The following GFM1 variants were observed in gnomAD, a reference collection of about 807,000 sequenced individuals.
GFM1 encodes the protein G elongation factor mitochondrial 1.
GFM1 carries 62 observed loss-of-function variants against 96.2 expected under a neutral mutation model. The ratio of observed to expected loss-of-function variants is 0.64; its 90% confidence interval spans 0.53 to 0.80. The LOEUF (loss-of-function observed/expected upper bound fraction) is 0.80, where lower values mean the gene tolerates loss of function less well. GFM1 is among the 30% of genes least tolerant of loss of function. GFM1 has a pLI of 0.00. For missense variants in GFM1, 852 were observed against 916.6 expected, an observed-to-expected ratio of 0.93 and a Z score of 0.91; for synonymous variants, 282 against 312.9, an observed-to-expected ratio of 0.90 and a Z score of 1.04.
In GFM1 at chr3:158,652,171, ATGTGT is replaced by A; in HGVS notation, c.768_772del (p.Val257GlnfsTer4). On this transcript the variant is annotated frameshift_variant, in exon 6 of 18. Transcript: ENST00000486715. LOFTEE classifies it high-confidence loss of function. ...CTGACCACCGGCAGGAGCTAATTGA[ATGTGT>A]TGCCAATTCAGATGAACAGCTTGGT... 6.2e-7 allele frequency: 1 copy of A among 1,614,068 alleles called. No individual in the cohort carries two copies. Among genetic ancestry groups the A allele is most frequent in the Non-Finnish European group, 8.5e-7 (1 of 1,179,882 alleles).
chr3:158,664,132 CAT>C (rs1723417980), intron 11 of GFM1, among the ~76,000 whole-genome samples: 2 of 152,124 alleles, frequency 1.3e-5, no homozygotes, highest in Non-Finnish European at 2.9e-5. Flanking sequence ...TTTGAGAAAA[CAT>C]AGGCAAAACA....
chr3:158,666,430 G>A, intron 13 of GFM1, 44 bp downstream of exon 13: 1 of 1,513,180 alleles, frequency 6.6e-7, no homozygotes, highest in East Asian at 2.3e-5. Context: ...TGAAATTGAA[G>A]CTTTTTATTT....
rs1000121562 is a variant in GFM1 at position 158,694,362 on chromosome 3, T to C, written c.*2895T>C. Among the ~76,000 whole-genome samples, 19 of 152,150 alleles carry C rather than the reference T, an allele frequency of 1.2e-4. No individual in the cohort carries two copies. The highest frequency in any genetic ancestry group is 2.9e-4 in the African/African-American group (12 of 41,430). On this transcript the variant is annotated 3_prime_UTR_variant, in exon 18 of 18. Coordinates refer to ENST00000486715, the MANE Select transcript of GFM1 (RefSeq NM_024996.7). ...ACCAAATACTGCATGTTCTCACTTA[T>C]AAGTGGGAGCTAAATAATGAGAACA...
At chr3:158,678,222 C>T (rs943654613) in intron 13 of GFM1, among the ~76,000 whole-genome samples, 6 of 152,144 alleles carry the variant, frequency 3.9e-5, no homozygotes, top group Admixed American at 1.3e-4. Flanking sequence ...TTTCCATGCC[C>T]GCCAATACAA....
Position 158,684,517 on chromosome 3 carries a change from T to C in GFM1, c.1765-7T>C, listed in dbSNP as rs771346402. On this transcript the variant is annotated splice_polypyrimidine_tract_variant and splice_region_variant and intron_variant, in intron 14 of 17. Transcript: ENST00000486715. ...TCACTCCAGAAGTTGTGTTCATTCATTAACAGGGGTTTTTAGATGCCTGCG... is the reference window on the plus strand; with the variant it reads ...TCACTCCAGAAGTTGTGTTCATTCACTAACAGGGGTTTTTAGATGCCTGCG... 2 of 1,614,072 alleles carry C rather than the reference T, an allele frequency of 1.2e-6. No homozygotes were observed. The highest frequency in any genetic ancestry group is 1.7e-5 in the Admixed American group (1 of 59,998).
intron 6 of GFM1, 24 bp from the exon 7 acceptor site, chr3:158,653,286 C>A (rs768792924): frequency 1.3e-5 from 20 of 1,588,244 alleles, no homozygotes; most frequent in Non-Finnish European, 1.6e-5. Context: ...ACATTAACTA[C>A]CATTAAATTG....
At chr3:158,652,274 T>TCACA in intron 6 of GFM1, 28 bp downstream of exon 6, 2 of 1,608,096 alleles carry the variant, frequency 1.2e-6, no homozygotes, top group South Asian at 2.2e-5. Context: ...AAGTCTTATG[T>TCACA]TAACAACAAA....
intron 3 of GFM1, 34 bp from the exon 4 acceptor site, chr3:158,646,709 T>C: frequency 6.4e-7 from 1 of 1,566,144 alleles, no homozygotes; most frequent in East Asian, 2.3e-5. Context: ...TTCAGATTGC[T>C]CTTTAAGACC....
In GFM1 at chr3:158,646,225, G is replaced by A; in HGVS notation, c.295G>A (p.Gly99Arg). The change falls in exon 3 of 18, where the codon GGA becomes AGA. Residue 99 changes from glycine to arginine, a missense_variant. By Grantham distance (125) the Gly-to-Arg change is moderately radical. Transcript: ENST00000486715. ...TTCCATGGAACTAGAGAGACAAAGA[G>A]GAATCACTATTCAGTCAGCAGCCAC... is the stretch of plus-strand genomic sequence containing the variant. ...MDSMELERQR[G>R]ITIQSAATYT... 1.2e-6 allele frequency: 2 copies of A among 1,613,854 alleles called. No homozygotes were observed. Among genetic ancestry groups the A allele is most frequent in the African/African-American group, 1.3e-5 (1 of 75,030 alleles).
chr3:158,666,271 A>T lies in GFM1; in HGVS notation c.1519-33A>T, dbSNP rs138856342. The T allele has an allele frequency of 1.0e-3, 1,574 of 1,508,686 alleles. 17 individuals carry two copies. In the African/African-American group the frequency reaches 0.019, roughly 18 times the overall value. The allele number at this position is 1,508,686 out of a possible 1,614,324, so 93.5% of individuals were successfully genotyped here. ...AGGTTTTCTTTCGGTTTATTTTTTT[A>T]AATTTAAATAATATTTTCCCCACTC... On this transcript the variant is annotated intron_variant, in intron 12 of 17. Transcript: ENST00000486715.
At chr3:158,652,267 T>C in intron 6 of GFM1, 21 bp downstream of exon 6, 1 of 1,611,350 alleles carries the variant, frequency 6.2e-7, no homozygotes, top group South Asian at 1.1e-5. Context: ...TCAAAATAAG[T>C]CTTATGTTAA....
chr3:158,645,971 A>G, intron 2 of GFM1, 190 bp downstream of exon 2: 1 of 827,696 alleles, frequency 1.2e-6, no homozygotes, highest in Non-Finnish European at 2.0e-6. Context: ...TTTTTATAGA[A>G]GAGGTCTCAC....
At chr3:158,666,871 A>C in intron 13 of GFM1, 1 of 1,440,306 alleles carries the variant, frequency 6.9e-7, no homozygotes, top group Non-Finnish European at 9.4e-7. Context: ...AAATTGCTGC[A>C]ATTATAATAT....
chr3:158,644,879 C>T (rs1483610838), intron 1 of GFM1, 164 bp downstream of exon 1: 7 of 655,416 alleles, frequency 1.1e-5, no homozygotes, highest in African/African-American at 5.4e-5. Context: ...TGCACATTAG[C>T]TCGTTAGCTC....
At chr3:158,651,216 A>G (rs1722276706) in intron 5 of GFM1, among the ~76,000 whole-genome samples, 2 of 152,092 alleles carry the variant, frequency 1.3e-5, no homozygotes, top group Admixed American at 1.3e-4. Context: ...TTTAAACTAC[A>G]AATTGGGATA....
In GFM1 at chr3:158,691,584, G is replaced by A. The variant is rs947547675; in HGVS notation, c.*117G>A. On this transcript the variant is annotated 3_prime_UTR_variant, in exon 18 of 18. Coordinates refer to ENST00000486715, the MANE Select transcript of GFM1 (RefSeq NM_024996.7). ...ACAAGAAATTCTGAGCCCAGGAAGC[G>A]GGCTCTTCTTTCTTCAAAAGAAGCC... 3.1e-5 allele frequency: 36 copies of A among 1,164,892 alleles called. No homozygotes were observed. Among genetic ancestry groups the A allele is most frequent in the South Asian group, 1.9e-4 (15 of 77,802 alleles). The allele number at this position is 1,164,892 out of a possible 1,614,324, so 72.2% of individuals were successfully genotyped here.
At chr3:158,649,008 A>G in intron 4 of GFM1, 33 bp from the exon 5 acceptor site, 1 of 993,252 alleles carries the variant, frequency 1.0e-6, no homozygotes, top group East Asian at 2.4e-5. Context: ...GGGGAGAAGA[A>G]AAAAGGTAAA....
intron 2 of GFM1, 134 bp from the exon 3 acceptor site, chr3:158,646,031 C>A: frequency 8.8e-7 from 1 of 1,131,086 alleles, no homozygotes; most frequent in Non-Finnish European, 1.3e-6. Flanking sequence ...TATCATCCTG[C>A]CTCAGTCTCC....
intron 14 of GFM1, 106 bp from the exon 15 acceptor site, chr3:158,684,418 C>T (rs1725660051): frequency 1.8e-6 from 2 of 1,103,112 alleles, no homozygotes; most frequent in Non-Finnish European, 2.8e-6. Flanking sequence ...TGAAATACAG[C>T]ACACATAAAA....
Sources: allele counts gnomAD v4.1 joint callset (sites outside exome capture counted in the v4.1 genomes callset), GRCh38; gene constraint gnomAD v4.1.1; transcripts MANE v1.5; gene names NCBI Gene and HGNC (gene_info 2026-07-23, HGNC 2026-07-21).